Variants in CCDC85C observed in about 807,000 individuals in gnomAD.
CCDC85C encodes coiled-coil domain containing 85C.
A neutral mutation model predicts 38.3 loss-of-function variants in CCDC85C; 18 were observed. That is an observed-to-expected ratio of 0.47 (90% CI 0.33 to 0.70). The LOEUF (loss-of-function observed/expected upper bound fraction) is 0.70, where lower values mean the gene tolerates loss of function less well. CCDC85C is among the 30% of genes least tolerant of loss of function. CCDC85C has a pLI of 0.03. For synonymous variants in CCDC85C, 264 were observed against 293.8 expected, an observed-to-expected ratio of 0.90 and a Z score of 1.04; for missense variants, 566 against 621.2, an observed-to-expected ratio of 0.91 and a Z score of 0.94.
At chr14:99,593,182 G>C (rs549799689) in intron 1 of CCDC85C, among the ~76,000 whole-genome samples, 7 of 152,206 alleles carry the variant, frequency 4.6e-5, no homozygotes, top group African/African-American at 7.2e-5. Flanking sequence ...CCCTTGTGGC[G>C]GGCGGGGGAG....
Position 99,510,824 on chromosome 14 carries a change from C to G in CCDC85C, c.*4422G>C. ...CTCTTTGTTTTTTTAACAAGATTTT[C>G]TAATCGACTTGCAGAGTAGTTGAAG... On this transcript the variant is annotated 3_prime_UTR_variant, in exon 6 of 6. Coordinates refer to ENST00000380243, the MANE Select transcript of CCDC85C (RefSeq NM_001144995.2). 7.2e-7 allele frequency: 1 copy of G among 1,388,088 alleles called. No homozygotes were observed. The highest frequency in any genetic ancestry group is 9.4e-7 in the Non-Finnish European group (1 of 1,068,480). The allele number at this position is 1,388,088 out of a possible 1,614,324, so 86.0% of individuals were successfully genotyped here.
At chr14:99,594,266 C>A (rs1326006099) in intron 1 of CCDC85C, among the ~76,000 whole-genome samples, 2 of 152,218 alleles carry the variant, frequency 1.3e-5, no homozygotes, top group African/African-American at 4.8e-5. Context: ...CCCCAGCAAA[C>A]CTGCACCAGG....
chr14:99,595,542 T>C (rs1428545139), intron 1 of CCDC85C, among the ~76,000 whole-genome samples: 1 of 152,204 alleles, frequency 6.6e-6, no homozygotes, highest in Non-Finnish European at 1.5e-5. Context: ...TTACCTGCTC[T>C]CTTCTGCTTT....
chr14:99,508,379 C>T lies in CCDC85C; in HGVS notation c.*6867G>A, dbSNP rs1897028610. ...TTATCTGGGGAGCCTGGGGCAGCCACAGGGGTGCTGCTACCTCCAGGGCAC... is the reference window on the plus strand; with the variant it reads ...TTATCTGGGGAGCCTGGGGCAGCCATAGGGGTGCTGCTACCTCCAGGGCAC... On this transcript the variant is annotated 3_prime_UTR_variant, in exon 6 of 6. Coordinates refer to ENST00000380243, the MANE Select transcript of CCDC85C (RefSeq NM_001144995.2). The T allele has an allele frequency of 1.3e-5, 2 of 152,524 alleles. No homozygotes were observed. Among genetic ancestry groups the T allele is most frequent in the Middle Eastern group, 3.4e-3 (1 of 296 alleles). 9.4% of individuals were successfully genotyped at this position (152,524 alleles called of 1,614,324 possible).
Position 99,503,947 on chromosome 14 carries a change from CTATT to C in CCDC85C, c.*11295_*11298del, listed in dbSNP as rs1653447248. 2.5e-6 allele frequency: 1 copy of C among 396,330 alleles called. No individual in the cohort carries two copies. Among genetic ancestry groups the C allele is most frequent in the African/African-American group, 2.1e-5 (1 of 47,844 alleles). 24.6% of individuals were successfully genotyped at this position (396,330 alleles called of 1,614,324 possible). A position where few individuals can be genotyped will look rare whatever the true frequency, so the allele number is the denominator to read the frequency against. ...GTTGCTGCAATTTTATTTTTAGAGA[CTATT>C]TACCCCCATCACAGCAGCAGGAGTC... On this transcript the variant is annotated 3_prime_UTR_variant, in exon 6 of 6. Coordinates refer to ENST00000380243, the MANE Select transcript of CCDC85C (RefSeq NM_001144995.2).
At chr14:99,552,749 G>A (rs1940263368) in intron 1 of CCDC85C, among the ~76,000 whole-genome samples, 1 of 152,258 alleles carries the variant, frequency 6.6e-6, no homozygotes, top group Non-Finnish European at 1.5e-5. Flanking sequence ...CCCAGTAAGT[G>A]CAGCTGGAAT....
At chr14:99,596,931 G>A (rs1192215681) in intron 1 of CCDC85C, among the ~76,000 whole-genome samples, 2 of 152,162 alleles carry the variant, frequency 1.3e-5, no homozygotes, top group African/African-American at 2.4e-5. Context: ...TCCCACAGGC[G>A]CTGTCCTGCC....
At chr14:99,528,164 C>G (rs866696174) in intron 2 of CCDC85C, among the ~76,000 whole-genome samples, 7 of 152,104 alleles carry the variant, frequency 4.6e-5, no homozygotes, top group African/African-American at 1.7e-4. Context: ...ACAAAGCAGC[C>G]TCCCGACCCC....
At chr14:99,593,169 G>A (rs533068875) in intron 1 of CCDC85C, among the ~76,000 whole-genome samples, 6 of 152,336 alleles carry the variant, frequency 3.9e-5, no homozygotes, top group East Asian at 3.9e-4. Flanking sequence ...CCACACAATC[G>A]GGCCCTTGTG....
rs1404782923 is a variant in CCDC85C, at chr14:99,517,200, C to T, written c.976-17G>A. ...GGCCGGGCCCTGGGGAAGGCAATCACACATCTCAGCTCACCCTGGCTGGCT... is the reference window on the plus strand; with the variant it reads ...GGCCGGGCCCTGGGGAAGGCAATCATACATCTCAGCTCACCCTGGCTGGCT... On this transcript the variant is annotated splice_polypyrimidine_tract_variant and intron_variant, in intron 3 of 5. Transcript: ENST00000380243. The T allele has an allele frequency of 3.9e-6, 6 of 1,521,744 alleles. No homozygotes were observed. In the Admixed American group the frequency reaches 8.1e-5, roughly 20 times the overall value. 94.3% of individuals were successfully genotyped at this position (1,521,744 alleles called of 1,614,324 possible).
At position 99,544,510 on chromosome 14, in the gene CCDC85C, GTGTGTGTC is replaced by G. The variant is rs1555369522; in HGVS notation, c.794-8430_794-8423del. On this transcript the variant is annotated intron_variant, in intron 1 of 5. Transcript: ENST00000380243. This position sits in a 1 kb window ranked among gnomAD's most constrained non-coding sequence, Gnocchi z 5.3. Reference sequence around the variant, plus strand: ...GAAGGGTGTGTGTGTGTGTGTGTGTGTGTGTGTCTGTGTGTCTGTGTGTTCCCACACCC... The same window carrying G: ...GAAGGGTGTGTGTGTGTGTGTGTGTGTGTGTGTCTGTGTGTTCCCACACCC... Among the ~76,000 whole-genome samples, 38 of 152,162 alleles carry G rather than the reference GTGTGTGTC, an allele frequency of 2.5e-4. No individual in the cohort carries two copies. Among genetic ancestry groups the G allele is most frequent in the Middle Eastern group, 3.4e-3 (1 of 294 alleles).
At chr14:99,566,981 G>A (rs564913929) in intron 1 of CCDC85C, among the ~76,000 whole-genome samples, 6 of 152,328 alleles carry the variant, frequency 3.9e-5, no homozygotes, top group African/African-American at 1.4e-4. Flanking sequence ...AAAACCAGAA[G>A]GCAGCGCTCC....
In CCDC85C at chr14:99,558,783, A is replaced by G. The variant is rs1304413905; in HGVS notation, c.794-22695T>C. On this transcript the variant is annotated intron_variant, in intron 1 of 5. Transcript: ENST00000380243. This position sits in a 1 kb window ranked among gnomAD's most constrained non-coding sequence, Gnocchi z 4.2. ...ACACCAGGAGTCATCAGAAGCAGGAAGAGGCAAGGAAGGTGATGTGGTTTG... is the reference window on the plus strand; with the variant it reads ...ACACCAGGAGTCATCAGAAGCAGGAGGAGGCAAGGAAGGTGATGTGGTTTG... Among the ~76,000 whole-genome samples, 2 of 152,190 alleles carry G rather than the reference A, an allele frequency of 1.3e-5. No individual in the cohort carries two copies. Among genetic ancestry groups the G allele is most frequent in the Non-Finnish European group, 2.9e-5 (2 of 68,044 alleles).
Position 99,511,481 on chromosome 14 carries a change from A to G in CCDC85C, c.*3765T>C, listed in dbSNP as rs1413124534. The G allele has an allele frequency of 6.6e-6, 1 of 152,608 alleles. No individual in the cohort carries two copies. The highest frequency in any genetic ancestry group is 1.5e-5 in the Non-Finnish European group (1 of 68,046). The allele number at this position is 152,608 out of a possible 1,614,324, so 9.5% of individuals were successfully genotyped here. A position where few individuals can be genotyped will look rare whatever the true frequency, so the allele number is the denominator to read the frequency against. On this transcript the variant is annotated 3_prime_UTR_variant, in exon 6 of 6. Transcript: ENST00000380243. ...TCTTGGTTACAAATGAGACTCCTTC[A>G]GTCAGTTATCCAAATAAAAGCAGTT... is the stretch of plus-strand genomic sequence containing the variant.
chr14:99,519,923 G>A (rs766774389), intron 3 of CCDC85C, among the ~76,000 whole-genome samples: 4 of 152,176 alleles, frequency 2.6e-5, no homozygotes, highest in East Asian at 3.9e-4. Context: ...CGGGAGTGAC[G>A]GCCGATGGGT....
intron 3 of CCDC85C, among the ~76,000 whole-genome samples, chr14:99,517,609 A>C (rs1595336616): frequency 1.3e-5 from 2 of 152,042 alleles, no homozygotes; most frequent in African/African-American, 4.8e-5. Flanking sequence ...TCCCCTGCCC[A>C]CCCTGGAGCC....
rs2055245984 is a variant in CCDC85C at position 99,604,076 on chromosome 14, C to T, written c.-117G>A. On this transcript the variant is annotated 5_prime_UTR_variant, in exon 1 of 6. Coordinates refer to ENST00000380243, the MANE Select transcript of CCDC85C (RefSeq NM_001144995.2). ...GGGGGCGGCCGGGGGCGCGTGCGGCCCGCCCCGCGCCGCCTGGCGCGTCCT... is the reference window on the plus strand; with the variant it reads ...GGGGGCGGCCGGGGGCGCGTGCGGCTCGCCCCGCGCCGCCTGGCGCGTCCT... The T allele has an allele frequency of 1.1e-6, 1 of 952,266 alleles. No homozygotes were observed. The allele number at this position is 952,266 out of a possible 1,614,324, so 59.0% of individuals were successfully genotyped here.
Position 99,502,643 on chromosome 14 carries a change from A to G in CCDC85C, c.*12603T>C, listed in dbSNP as rs1566751506. The G allele has an allele frequency of 1.1e-5, 16 of 1,421,752 alleles. No individual in the cohort carries two copies. The highest frequency in any genetic ancestry group is 1.6e-5 in the Non-Finnish European group (16 of 1,022,416). 88.1% of individuals were successfully genotyped at this position (1,421,752 alleles called of 1,614,324 possible). A position where few individuals can be genotyped will look rare whatever the true frequency, so the allele number is the denominator to read the frequency against. On this transcript the variant is annotated 3_prime_UTR_variant, in exon 6 of 6. Coordinates refer to ENST00000380243, the MANE Select transcript of CCDC85C (RefSeq NM_001144995.2). The stretch of plus-strand genomic sequence containing the variant: ...GCTTAGGTCCTCGTAGGGGTATCAT[A>G]ACTGATTCTTTATCCAGGTAAAATT...
At chr14:99,530,083 C>T (rs1269023393) in intron 2 of CCDC85C, among the ~76,000 whole-genome samples, 3 of 152,326 alleles carry the variant, frequency 2.0e-5, no homozygotes, top group East Asian at 1.9e-4. Flanking sequence ...TGGCATCCTG[C>T]ACTTGGCCTG....
Sources: gnomAD v4.1 joint callset for allele counts (sites outside exome capture counted in the v4.1 genomes callset) on GRCh38, gnomAD v4.1.1 for gene constraint, Gnocchi (gnomAD v3.1) non-coding constraint, MANE v1.5 for transcripts, NCBI Gene and HGNC (gene_info 2026-07-23, HGNC 2026-07-21) for gene names.